Variants in CDH18 observed in about 807,000 individuals in gnomAD.
The protein encoded by CDH18 is cadherin 18.
A neutral mutation model predicts 67.9 loss-of-function variants in CDH18; 31 were observed. That is an observed-to-expected ratio of 0.46 (90% CI 0.34 to 0.62). The LOEUF (loss-of-function observed/expected upper bound fraction) is 0.62. Among genes scored for constraint, CDH18 ranks in the 20% least tolerant of loss-of-function variants. The probability of loss-of-function intolerance (pLI) is 0.01; values close to 1 mark genes in which losing one functional copy is unlikely to be tolerated. For missense variants in CDH18, 890 were observed against 975.5 expected, an observed-to-expected ratio of 0.91 and a Z score of 1.17; for synonymous variants, 362 against 347.2, an observed-to-expected ratio of 1.04 and a Z score of -0.48.
At chr5:20,254,206 A>C (rs1419751499) in intron 2 of CDH18, among the ~76,000 whole-genome samples, 2 of 152,104 alleles carry the variant, frequency 1.3e-5, no homozygotes, top group African/African-American at 4.8e-5. Context: ...TCTGCTTCTC[A>C]GGTTCAAGTG....
intron 2 of CDH18, among the ~76,000 whole-genome samples, chr5:20,252,861 G>A (rs1033665435): frequency 6.6e-6 from 1 of 151,618 alleles, no homozygotes; most frequent in Non-Finnish European, 1.5e-5. Flanking sequence ...TGCCTGAACC[G>A]GGAGGCGGAG....
At chr5:20,502,670 A>G (rs184192961) in intron 1 of CDH18, among the ~76,000 whole-genome samples, 2 of 152,226 alleles carry the variant, frequency 1.3e-5, no homozygotes, top group Non-Finnish European at 2.9e-5. Context: ...GATAAATATG[A>G]TCATGACATT....
At chr5:20,185,694 C>T (rs1390794558) in intron 2 of CDH18, among the ~76,000 whole-genome samples, 2 of 151,998 alleles carry the variant, frequency 1.3e-5, no homozygotes, top group Non-Finnish European at 2.9e-5. Flanking sequence ...TAAGAAGATA[C>T]CTCCTGTGAC....
chr5:20,426,857 G>A (rs1748342306), intron 1 of CDH18, among the ~76,000 whole-genome samples: 1 of 151,112 alleles, frequency 6.6e-6, no homozygotes, highest in South Asian at 2.1e-4. Context: ...GCTGACAAGG[G>A]TATGGCTTCT....
intron 1 of CDH18, among the ~76,000 whole-genome samples, chr5:20,326,984 A>G (rs1306483992): frequency 1.3e-5 from 2 of 152,224 alleles, no homozygotes; most frequent in Non-Finnish European, 2.9e-5. Flanking sequence ...GACCCTTGTT[A>G]AAACACACTG....
intron 5 of CDH18, among the ~76,000 whole-genome samples, chr5:19,639,538 C>A (rs1753733519): frequency 6.6e-6 from 1 of 152,186 alleles, no homozygotes; most frequent in South Asian, 2.1e-4. Flanking sequence ...CACTATGGGA[C>A]AAAGCGACTA....
chr5:19,881,924 T>A (rs1787703255), intron 2 of CDH18, among the ~76,000 whole-genome samples: 1 of 152,118 alleles, frequency 6.6e-6, no homozygotes, highest in Non-Finnish European at 1.5e-5. Flanking sequence ...ATCCTGTAGT[T>A]CAACAGGGGA....
At chr5:19,883,615 T>G (rs531826356) in intron 2 of CDH18, among the ~76,000 whole-genome samples, 12 of 152,278 alleles carry the variant, frequency 7.9e-5, no homozygotes, top group African/African-American at 2.9e-4. Flanking sequence ...TTACATTTTA[T>G]TTGTTCAGTA....
intron 2 of CDH18, among the ~76,000 whole-genome samples, chr5:20,155,074 T>G (rs917445820): frequency 3.3e-5 from 5 of 152,306 alleles, no homozygotes; most frequent in Admixed American, 2.6e-4. Flanking sequence ...GAAAAAAATT[T>G]TACTTACTTT....
intron 2 of CDH18, among the ~76,000 whole-genome samples, chr5:20,214,630 G>C (rs1740614326): frequency 6.6e-6 from 1 of 152,020 alleles, no homozygotes; most frequent in Non-Finnish European, 1.5e-5. Flanking sequence ...AGGATAACTG[G>C]CTAGCCATGT....
At chr5:19,862,205 C>T (rs1167376649) in intron 2 of CDH18, among the ~76,000 whole-genome samples, 1 of 44,820 alleles carries the variant, frequency 2.2e-5, no homozygotes, top group East Asian at 5.1e-4. Context: ...GAAACAAATA[C>T]ATTACAGAAC....
intron 5 of CDH18, among the ~76,000 whole-genome samples, chr5:19,656,849 ACTCT>A (rs908737312): frequency 6.7e-6 from 1 of 149,718 alleles, no homozygotes; most frequent in African/African-American, 2.5e-5. Context: ...ATGCCAATTT[ACTCT>A]CTCCCTCTCT....
At position 19,866,764 on chromosome 5, in the gene CDH18, T is replaced by C. The variant is rs115068082; in HGVS notation, c.-256-27522A>G. Among the ~76,000 whole-genome samples, 829 of 152,116 alleles carry C rather than the reference T, an allele frequency of 5.4e-3. 11 individuals carry two copies. Among genetic ancestry groups the C allele is most frequent in the African/African-American group, 0.019 (791 of 41,516 alleles). On this transcript the variant is annotated intron_variant, in intron 2 of 12. Coordinates refer to ENST00000382275, the MANE Select transcript of CDH18 (RefSeq NM_004934.5). The stretch of plus-strand genomic sequence containing the variant: ...TGGGCAATATAGTCATTCCACTCAA[T>C]AGGCAATTCGAGCATACAGTTAGGG...
rs41270343 is a variant in CDH18, at chr5:19,571,920, C to T, written c.1000-88G>A. ...CTTTTCAAATATGCATTATTTTTTC[C>T]TTTTTAGAATAAAATAATTGAGAGA... On this transcript the variant is annotated intron_variant, in intron 7 of 12. Coordinates refer to ENST00000382275, the MANE Select transcript of CDH18 (RefSeq NM_004934.5). 1.2e-3 allele frequency: 1,223 copies of T among 1,047,932 alleles called. 2 individuals carry two copies. Among genetic ancestry groups the T allele is most frequent in the Non-Finnish European group, 1.6e-3 (1,148 of 720,406 alleles). The allele number at this position is 1,047,932 out of a possible 1,614,324, so 64.9% of individuals were successfully genotyped here. A position where few individuals can be genotyped will look rare whatever the true frequency, so the allele number is the denominator to read the frequency against.
intron 1 of CDH18, among the ~76,000 whole-genome samples, chr5:20,531,915 TAAGAA>T (rs1756424549): frequency 6.6e-6 from 1 of 151,944 alleles, no homozygotes; most frequent in Non-Finnish European, 1.5e-5. Context: ...TTAATTTAAT[TAAGAA>T]AAGAAAAAAA....
chr5:20,032,975 G>C (rs1268482794), intron 2 of CDH18, among the ~76,000 whole-genome samples: 1 of 151,912 alleles, frequency 6.6e-6, no homozygotes, highest in African/African-American at 2.4e-5. Context: ...ACTTTAAGTT[G>C]CATTTTTGGA....
intron 3 of CDH18, among the ~76,000 whole-genome samples, chr5:19,825,381 C>A (rs1780301487): frequency 1.3e-5 from 2 of 152,112 alleles, no homozygotes; most frequent in African/African-American, 4.8e-5. Context: ...CCCACTCCTG[C>A]CTCTCAAAGC....
intron 5 of CDH18, among the ~76,000 whole-genome samples, chr5:19,647,917 G>A (rs1281340873): frequency 5.3e-5 from 8 of 152,090 alleles, no homozygotes; most frequent in Admixed American, 2.6e-4. Flanking sequence ...AGATAGTTTA[G>A]GTCTGTCTTG....
chr5:20,282,611 T>C (rs1746369986), intron 1 of CDH18, among the ~76,000 whole-genome samples: 1 of 152,144 alleles, frequency 6.6e-6, no homozygotes, highest in African/African-American at 2.4e-5. Flanking sequence ...CTGGATTCGA[T>C]TTGCCAGTAT....
Sources: allele counts gnomAD v4.1 joint callset (sites outside exome capture counted in the v4.1 genomes callset), GRCh38; gene constraint gnomAD v4.1.1; transcripts MANE v1.5; gene names NCBI Gene and HGNC (gene_info 2026-07-23, HGNC 2026-07-21).